Variants in CDH4 observed in about 807,000 individuals in gnomAD.
The protein encoded by CDH4 is cadherin 4, also known as cadherin-4.
Under a neutral mutation model 86.0 loss-of-function variants are expected in CDH4, and 33 were observed. That is an observed-to-expected ratio of 0.38 (90% confidence interval 0.29 to 0.51). The LOEUF is 0.51. Ranked by LOEUF, CDH4 falls within the 20% of genes least tolerant of loss-of-function variation. The probability of loss-of-function intolerance (pLI) is 0.86; values close to 1 mark genes in which losing one functional copy is unlikely to be tolerated. For synonymous variants in CDH4, 555 were observed against 549.4 expected (o/e 1.01, Z -0.14); for missense variants, 1,114 against 1,307.4 (o/e 0.85, Z 2.28).
intron 2 of CDH4, among the ~76,000 whole-genome samples, chr20:61,270,729 C>T (rs1378518083): frequency 6.6e-6 from 1 of 152,158 alleles, no homozygotes; most frequent in African/African-American, 2.4e-5. Flanking sequence ...CCTTTGAAAT[C>T]CATTTTGAAG....
intron 3 of CDH4, among the ~76,000 whole-genome samples, chr20:61,750,576 A>G (rs565473843): frequency 6.6e-6 from 1 of 152,390 alleles, no homozygotes; most frequent in Non-Finnish European, 1.5e-5. Context: ...AAAGATTACA[A>G]AAAGAGGAAT....
chr20:61,461,558 T>C (rs963201241), intron 2 of CDH4, among the ~76,000 whole-genome samples: 6 of 152,000 alleles, frequency 3.9e-5, no homozygotes, highest in Non-Finnish European at 1.5e-5. Context: ...TACTCCTGAG[T>C]CCAGGCACGG....
At chr20:61,869,111 C>G (rs6089533) in intron 6 of CDH4, among the ~76,000 whole-genome samples, 1 of 152,078 alleles carries the variant, frequency 6.6e-6, no homozygotes, top group Non-Finnish European at 1.5e-5. Context: ...GATGGTAAAA[C>G]ATTATTTTCC....
intron 2 of CDH4, among the ~76,000 whole-genome samples, chr20:61,741,593 G>A (rs892696893): frequency 1.3e-5 from 2 of 151,952 alleles, no homozygotes; most frequent in Non-Finnish European, 2.9e-5. Context: ...CCAGGTTCAC[G>A]CCATTCTTCT....
chr20:61,325,278 G>C (rs2084530742), intron 2 of CDH4, among the ~76,000 whole-genome samples: 1 of 151,824 alleles, frequency 6.6e-6, no homozygotes, highest in Non-Finnish European at 1.5e-5. Context: ...ATCTCTTGAA[G>C]AGGTTCAGAG....
intron 2 of CDH4, among the ~76,000 whole-genome samples, chr20:61,536,623 CT>C (rs1300684019): frequency 2.0e-5 from 3 of 152,196 alleles, no homozygotes; most frequent in African/African-American, 7.2e-5. Context: ...GATGCATTGT[CT>C]CACGAAATAA....
chr20:61,711,213 C>T (rs567297723), intron 2 of CDH4, among the ~76,000 whole-genome samples: 1 of 152,322 alleles, frequency 6.6e-6, no homozygotes, highest in Non-Finnish European at 1.5e-5. Context: ...CAGCACTTCT[C>T]CTTCCTGCCT....
intron 2 of CDH4, among the ~76,000 whole-genome samples, chr20:61,461,984 C>A (rs921085241): frequency 1.3e-5 from 2 of 152,148 alleles, no homozygotes; most frequent in Non-Finnish European, 2.9e-5. Context: ...TTTAGTCCTC[C>A]CAGATCAGGT....
intron 2 of CDH4, among the ~76,000 whole-genome samples, chr20:61,435,126 A>G (rs1464433581): frequency 6.6e-6 from 1 of 152,182 alleles, no homozygotes; most frequent in Non-Finnish European, 1.5e-5. Context: ...GAGATTGTGT[A>G]GGCAGACGTG....
At chr20:61,373,421 C>T (rs2084850837) in intron 2 of CDH4, among the ~76,000 whole-genome samples, 1 of 152,236 alleles carries the variant, frequency 6.6e-6, no homozygotes, top group South Asian at 2.1e-4. Flanking sequence ...GATTCAAAGA[C>T]CCTTTTATTG....
chr20:61,294,628 C>G (rs1425765850), intron 2 of CDH4, among the ~76,000 whole-genome samples: 1 of 152,228 alleles, frequency 6.6e-6, no homozygotes, highest in African/African-American at 2.4e-5. Context: ...GCTCTTTCCC[C>G]AGGCCTTACA....
intron 2 of CDH4, chr20:61,499,448 G>A (rs750003727): frequency 1.6e-6 from 2 of 1,289,092 alleles, no homozygotes; most frequent in Non-Finnish European, 2.0e-6. Context: ...AACGGCAGCT[G>A]TGACTTCATT....
intron 2 of CDH4, among the ~76,000 whole-genome samples, chr20:61,484,052 C>T (rs2085582735): frequency 6.6e-6 from 1 of 152,116 alleles, no homozygotes; most frequent in African/African-American, 2.4e-5. Flanking sequence ...TTGCTCTCCG[C>T]TGGGGACGCA....
intron 2 of CDH4, chr20:61,499,587 A>AC: frequency 3.5e-6 from 4 of 1,142,460 alleles, no homozygotes; most frequent in Non-Finnish European, 4.6e-6. Context: ...CCCTGAGGTC[A>AC]CACAGGGAGG....
intron 2 of CDH4, among the ~76,000 whole-genome samples, chr20:61,304,777 G>A (rs147608971): frequency 9.6e-6 from 1 of 103,674 alleles, no homozygotes; most frequent in Non-Finnish European, 2.1e-5. Context: ...GTGTGGGGTT[G>A]TGTGTGTGTG....
intron 2 of CDH4, among the ~76,000 whole-genome samples, chr20:61,301,181 C>T (rs761840331): frequency 3.9e-5 from 6 of 152,212 alleles, no homozygotes; most frequent in Non-Finnish European, 8.8e-5. Flanking sequence ...AGGTGGTTGC[C>T]GTGGTCACTA....
chr20:61,563,754 G>A (rs1202353345), intron 2 of CDH4, among the ~76,000 whole-genome samples: 2 of 152,210 alleles, frequency 1.3e-5, no homozygotes, highest in Non-Finnish European at 1.5e-5. Flanking sequence ...CCTTTGCTGA[G>A]CCCCCTCTGT....
chr20:61,686,456 T>TGC (rs371011676), intron 2 of CDH4, among the ~76,000 whole-genome samples: 4,129 of 151,446 alleles, frequency 0.027, 167 homozygotes, highest in African/African-American at 0.089. Context: ...TGCATTCGTG[T>TGC]GTGTGCATTT....
At chr20:61,550,516 A>G (rs550933874) in intron 2 of CDH4, among the ~76,000 whole-genome samples, 12 of 152,288 alleles carry the variant, frequency 7.9e-5, no homozygotes, top group Admixed American at 4.6e-4. Context: ...GGCTCCCTGT[A>G]ACTGGTCCCA....
Sources: allele counts gnomAD v4.1 joint callset (sites outside exome capture counted in the v4.1 genomes callset), GRCh38; gene constraint gnomAD v4.1.1; transcripts MANE v1.5; gene names NCBI Gene and HGNC (gene_info 2026-07-23, HGNC 2026-07-21).